The following DIP2B variants were observed in gnomAD, a reference collection of about 807,000 sequenced individuals.
DIP2B encodes the protein DIP2 acetate--CoA ligase B (putative).
DIP2B carries 76 observed loss-of-function variants against 198.0 expected under a neutral mutation model. The observed-to-expected ratio is 0.38, with a 90% CI of 0.32 to 0.46. DIP2B has a LOEUF of 0.46. Ranked by LOEUF, DIP2B falls within the 20% of genes least tolerant of loss-of-function variation. The pLI, the probability that DIP2B is intolerant of heterozygous loss-of-function variation, is 0.99. For synonymous variants in DIP2B, 701 were observed against 739.1 expected (o/e 0.95, Z 0.84); for missense variants, 1,559 against 1,978.4 (o/e 0.79, Z 4.02).
Position 50,718,986 on chromosome 12 carries a change from G to C in DIP2B, c.2993G>C (p.Arg998Pro). The change falls in exon 25 of 38, where the codon CGA becomes CCA. Residue 998 changes from arginine (R) to proline (P), a missense_variant. Arg to Pro is a moderately radical substitution (Grantham distance 103, BLOSUM62 -2). Transcript: ENST00000301180. ...TTTCTGGCAGAGATCCTACAGTGGC[G>C]AGCCCAGGCGACTCCTGACCATGTA... is the stretch of plus-strand genomic sequence containing the variant. Reference protein sequence around the residue: ...HQFLAEILQWRAQATPDHVLF... With the variant: ...HQFLAEILQWPAQATPDHVLF... 6.2e-7 allele frequency: 1 copy of C among 1,614,156 alleles called. No individual in the cohort carries two copies. Among genetic ancestry groups the C allele is most frequent in the South Asian group, 1.1e-5 (1 of 91,078 alleles).
intron 37 of DIP2B, 124 bp from the exon 38 acceptor site, chr12:50,744,463 C>G: frequency 7.5e-7 from 1 of 1,331,560 alleles, no homozygotes; most frequent in Non-Finnish European, 1.0e-6. Flanking sequence ...GTAGACATGA[C>G]TGCTGACGTT....
chr12:50,687,462 T>A lies in DIP2B; in HGVS notation c.1551+780T>A, dbSNP rs112846404. Among the ~76,000 whole-genome samples, 1,236 of 152,246 alleles carry A rather than the reference T, an allele frequency of 8.1e-3. 6 individuals carry two copies. Among genetic ancestry groups the A allele is most frequent in the Non-Finnish European group, 0.013 (851 of 68,018 alleles). Reference sequence around the variant, plus strand: ...TAATGAACAGGCAAATCAATAAAAATTTTTTTCAAGATCTGGGGGAAAATC... The same window carrying A: ...TAATGAACAGGCAAATCAATAAAAAATTTTTTCAAGATCTGGGGGAAAATC... On this transcript the variant is annotated intron_variant, in intron 12 of 37. Transcript: ENST00000301180.
intron 23 of DIP2B, among the ~76,000 whole-genome samples, chr12:50,716,544 C>T (rs1939720533): frequency 6.6e-6 from 1 of 152,004 alleles, no homozygotes; most frequent in Non-Finnish European, 1.5e-5. Context: ...CAAAACAAAA[C>T]AAAACAAAAC....
chr12:50,669,342 G>T (rs943082520), intron 4 of DIP2B, among the ~76,000 whole-genome samples: 4 of 152,150 alleles, frequency 2.6e-5, no homozygotes, highest in African/African-American at 9.7e-5. Context: ...ACAGGCTTCA[G>T]ACCTTCCTCA....
intron 10 of DIP2B, among the ~76,000 whole-genome samples, chr12:50,684,629 T>TA (rs1939102845): frequency 6.6e-6 from 1 of 151,678 alleles, no homozygotes. Context: ...CCATCTCTAC[T>TA]AAAAATACAG....
chr12:50,569,764 T>C (rs903789900), intron 1 of DIP2B, among the ~76,000 whole-genome samples: 2 of 152,248 alleles, frequency 1.3e-5, no homozygotes, highest in East Asian at 1.9e-4. Flanking sequence ...ATTATATAAA[T>C]ATCAGGTAAA....
intron 1 of DIP2B, among the ~76,000 whole-genome samples, chr12:50,515,471 C>T (rs10876045): frequency 0.33 from 49,821 of 151,792 alleles, 8,405 homozygotes; most frequent in South Asian, 0.39. Context: ...CCTCGTGATC[C>T]GCCTGCCTTG....
chr12:50,657,506 G>T (rs1187229046), intron 3 of DIP2B, among the ~76,000 whole-genome samples: 1 of 151,960 alleles, frequency 6.6e-6, no homozygotes, highest in Non-Finnish European at 1.5e-5. Context: ...CATTATTTCT[G>T]GCTGGGCATG....
intron 1 of DIP2B, among the ~76,000 whole-genome samples, chr12:50,560,409 AGC>A (rs1298596636): frequency 5.5e-5 from 8 of 144,928 alleles, no homozygotes; most frequent in South Asian, 2.2e-4. Flanking sequence ...AAAAAAAAAA[AGC>A]AAAAAACTTA....
chr12:50,509,865 G>T (rs1290144164), intron 1 of DIP2B, among the ~76,000 whole-genome samples: 1 of 152,176 alleles, frequency 6.6e-6, no homozygotes, highest in African/African-American at 2.4e-5. Context: ...TGTCTAAGCA[G>T]TTGTAACATC....
intron 1 of DIP2B, among the ~76,000 whole-genome samples, chr12:50,604,405 G>A (rs1247638258): frequency 6.6e-6 from 1 of 152,118 alleles, no homozygotes; most frequent in East Asian, 1.9e-4. Flanking sequence ...CACAGTAGTA[G>A]ACTTTTTTGT....
chr12:50,727,022 G>T (rs752073969), intron 28 of DIP2B, among the ~76,000 whole-genome samples: 1 of 152,146 alleles, frequency 6.6e-6, no homozygotes, highest in Non-Finnish European at 1.5e-5. Context: ...GGAGGCTGAG[G>T]TGGGAGGATC....
chr12:50,662,361 A>G (rs559195100), intron 4 of DIP2B, among the ~76,000 whole-genome samples: 2 of 152,362 alleles, frequency 1.3e-5, no homozygotes, highest in African/African-American at 4.8e-5. Flanking sequence ...CACCCTGCAT[A>G]GTGATTTCTC....
At chr12:50,719,702 G>A (rs890371766) in intron 25 of DIP2B, among the ~76,000 whole-genome samples, 7 of 151,688 alleles carry the variant, frequency 4.6e-5, no homozygotes, top group African/African-American at 1.4e-4. Flanking sequence ...TCAGCTGGGC[G>A]TGGTGGCGGG....
At chr12:50,706,952 G>A (rs1176639987) in intron 21 of DIP2B, among the ~76,000 whole-genome samples, 1 of 152,048 alleles carries the variant, frequency 6.6e-6, no homozygotes, top group African/African-American at 2.4e-5. Flanking sequence ...GAGGACTGAG[G>A]AGAATTCTAA....
intron 20 of DIP2B, among the ~76,000 whole-genome samples, chr12:50,705,674 A>C (rs895475464): frequency 2.6e-5 from 4 of 152,254 alleles, no homozygotes; most frequent in Admixed American, 1.3e-4. Flanking sequence ...TGACTGTCTC[A>C]TTCTCTTACC....
chr12:50,582,778 C>T (rs1029028815), intron 1 of DIP2B, among the ~76,000 whole-genome samples: 10 of 152,172 alleles, frequency 6.6e-5, no homozygotes, highest in South Asian at 6.2e-4. Context: ...CAAGCATTAA[C>T]GGATAATTTC....
intron 1 of DIP2B, among the ~76,000 whole-genome samples, chr12:50,594,231 A>G: frequency 6.6e-6 from 1 of 151,976 alleles, no homozygotes. Context: ...AACATGAGCC[A>G]CTGTACCCAG....
chr12:50,591,012 T>G (rs1958814378), intron 1 of DIP2B, among the ~76,000 whole-genome samples: 1 of 152,214 alleles, frequency 6.6e-6, no homozygotes, highest in Non-Finnish European at 1.5e-5. Flanking sequence ...TAAAAGAGAC[T>G]TCACACAGGT....
Sources: gnomAD v4.1 joint callset for allele counts (sites outside exome capture counted in the v4.1 genomes callset) on GRCh38, gnomAD v4.1.1 for gene constraint, MANE v1.5 for transcripts, NCBI Gene and HGNC (gene_info 2026-07-23, HGNC 2026-07-21) for gene names.